The following ABCA8 variants were observed in gnomAD, a reference collection of about 807,000 sequenced individuals.
The protein encoded by ABCA8 is ABC-type organic anion transporter ABCA8.
A neutral mutation model predicts 192.3 loss-of-function variants in ABCA8; 177 were observed. That is an observed-to-expected ratio of 0.92 (90% CI 0.81 to 1.04). The LOEUF is 1.04. Ranked by LOEUF, ABCA8 falls within the 50% of genes least tolerant of loss-of-function variation. The pLI is 0.00. For missense variants in ABCA8, 1,915 were observed against 1,904.8 expected, an observed-to-expected ratio of 1.01 and a Z score of -0.10; for synonymous variants, 642 against 690.2, an observed-to-expected ratio of 0.93 and a Z score of 1.09.
At chr17:68,954,235 C>T (rs982598317) in intron 1 of ABCA8, among the ~76,000 whole-genome samples, 1 of 143,004 alleles carries the variant, frequency 7.0e-6, no homozygotes, top group African/African-American at 2.6e-5. Flanking sequence ...CCCTACACTC[C>T]ACCTCATGCA....
chr17:68,889,210 G>A (rs2066567961), intron 24 of ABCA8, among the ~76,000 whole-genome samples: 1 of 152,160 alleles, frequency 6.6e-6, no homozygotes, highest in African/African-American at 2.4e-5. Flanking sequence ...AGATGAAGAT[G>A]ACATAGTAGA....
rs143577306 is a variant in ABCA8, at chr17:68,867,969, C to T, written c.*116G>A. ...ACCCGAACCTCCTCCTCCCACCACA[C>T]GGAGAACCATTTCTGTACTTATAAT... On this transcript the variant is annotated 3_prime_UTR_variant, in exon 40 of 40. Transcript: ENST00000586539. The T allele has an allele frequency of 5.8e-5, 49 of 839,280 alleles. No individual in the cohort carries two copies. The highest frequency in any genetic ancestry group is 6.9e-5 in the African/African-American group (4 of 57,858). 52.0% of individuals were successfully genotyped at this position (839,280 alleles called of 1,614,324 possible). A position where few individuals can be genotyped will look rare whatever the true frequency, so the allele number is the denominator to read the frequency against.
chr17:68,895,039 T>C (rs1280617669), intron 21 of ABCA8, 26 bp from the exon 22 acceptor site: 3 of 1,550,788 alleles, frequency 1.9e-6, no homozygotes, highest in Non-Finnish European at 2.6e-6. Flanking sequence ...AGATATTAGG[T>C]ATCACAAAAC....
chr17:68,941,492 A>G (rs1438267667), intron 3 of ABCA8, among the ~76,000 whole-genome samples: 1 of 152,152 alleles, frequency 6.6e-6, no homozygotes, highest in Non-Finnish European at 1.5e-5. Context: ...TTCTTCTTGG[A>G]ATTTAATACA....
At chr17:68,892,198 A>G (rs2066635893) in intron 23 of ABCA8, among the ~76,000 whole-genome samples, 1 of 152,208 alleles carries the variant, frequency 6.6e-6, no homozygotes, top group Non-Finnish European at 1.5e-5. Context: ...TGTTATTTTC[A>G]TGATTCTCAT....
In ABCA8 at chr17:68,876,446, GT is replaced by G. The variant is rs1567818918; in HGVS notation, c.4370+13del. On this transcript the variant is annotated intron_variant, in intron 35 of 39. Transcript: ENST00000586539. ...GTCATCCGTGCTGTCCCTGACCGTG[GT>G]AATGTTCCTCACCACATTTGCTGCT... 6.2e-7 allele frequency: 1 copy of G among 1,613,886 alleles called. No individual in the cohort carries two copies. Among genetic ancestry groups the G allele is most frequent in the South Asian group, 1.1e-5 (1 of 91,066 alleles).
chr17:68,868,156 C>A lies in ABCA8; in HGVS notation c.4795G>T (p.Glu1599Ter), dbSNP rs2065961518. 1 of 1,613,148 alleles carries A rather than the reference C, an allele frequency of 6.2e-7. No homozygotes were observed. Among genetic ancestry groups the A allele is most frequent in the East Asian group, 2.2e-5 (1 of 44,834 alleles). ...QVFLELSKEQ[E>*]LGDFEEDFDP... ...AAATCCTCCTCAAAATCACCCAGCT[C>A]CTGCTCCTTGGAGAGCTCCAGGAAA... Residue 1599 changes from glutamate to a stop codon, truncating the protein, a stop_gained, in exon 40 of 40, where the codon GAG becomes TAG. Coordinates refer to ENST00000586539, the MANE Select transcript of ABCA8 (RefSeq NM_001288985.2). LOFTEE classifies it high-confidence loss of function.
chr17:68,903,009 G>A, intron 20 of ABCA8, 130 bp from the exon 21 acceptor site: 1 of 874,660 alleles, frequency 1.1e-6, no homozygotes, highest in East Asian at 2.6e-5. Flanking sequence ...CATTTCTTGA[G>A]TATTTTGTCC....
intron 2 of ABCA8, chr17:68,944,994 T>G (rs2068358077): frequency 6.6e-6 from 1 of 152,186 alleles, no homozygotes; most frequent in African/African-American, 2.4e-5. Flanking sequence ...ATACTGAGGC[T>G]GGAGCAGGAA....
At chr17:68,873,879 C>T (rs2066133475) in intron 37 of ABCA8, among the ~76,000 whole-genome samples, 3 of 152,116 alleles carry the variant, frequency 2.0e-5, no homozygotes, top group Non-Finnish European at 2.9e-5. Flanking sequence ...ATTTATTTCT[C>T]GGCTGTCTAT....
At chr17:68,882,187 C>A (rs1222552990) in intron 30 of ABCA8, among the ~76,000 whole-genome samples, 1 of 152,134 alleles carries the variant, frequency 6.6e-6, no homozygotes, top group East Asian at 1.9e-4. Context: ...CCTACAAAGG[C>A]AGTTTTTTCA....
chr17:68,901,842 G>A (rs1384427071), intron 21 of ABCA8, among the ~76,000 whole-genome samples: 1 of 150,734 alleles, frequency 6.6e-6, no homozygotes, highest in Non-Finnish European at 1.5e-5. Context: ...AAAAATTTCT[G>A]GTGTGAATAT....
At chr17:68,913,216 C>A (rs2067267303) in intron 17 of ABCA8, among the ~76,000 whole-genome samples, 1 of 151,882 alleles carries the variant, frequency 6.6e-6, no homozygotes, top group Non-Finnish European at 1.5e-5. Context: ...AATGGAAACA[C>A]AACATGCCAA....
chr17:68,907,857 CA>C lies in ABCA8; in HGVS notation c.2160del (p.Cys720TrpfsTer6), dbSNP rs766496201. The stretch of plus-strand genomic sequence containing the variant: ...ACAAGTGATGTTATGTTTTCCTCAA[CA>C]CATATTTCATTTAACTGCAAGCTGG... The part of the protein sequence containing the change: ...YHLSLQLNEI[C>X]VEENITSLVK... On this transcript the variant is annotated frameshift_variant, in exon 18 of 40. Transcript: ENST00000586539. LOFTEE classifies it high-confidence loss of function. 1 of 1,572,476 alleles carries C rather than the reference CA, an allele frequency of 6.4e-7. No individual in the cohort carries two copies. Among genetic ancestry groups the C allele is most frequent in the Admixed American group, 1.9e-5 (1 of 51,676 alleles).
chr17:68,875,116 T>C, intron 37 of ABCA8, 144 bp downstream of exon 37: 1 of 1,171,926 alleles, frequency 8.5e-7, no homozygotes, highest in Non-Finnish European at 1.2e-6. Context: ...TTACGTCTGC[T>C]TTCTCTTCTC....
chr17:68,868,333 C>A lies in ABCA8; in HGVS notation c.4735G>T (p.Glu1579Ter), dbSNP rs1242487834. ...EKVKQSFDLE[E>*]YSLSQSTLEQ... is the part of the protein sequence containing the mutation. The stretch of plus-strand genomic sequence containing the variant: ...AGGGTAGACTGTGAGAGGCTGTACT[C>A]CTCTAGGTCAAAGCTCTGTTTAACT... The change falls in exon 39 of 40, where the codon GAG (glutamate) becomes TAG (stop). Residue 1579 changes from glutamate to a stop codon, truncating the protein, a stop_gained. Coordinates refer to ENST00000586539, the MANE Select transcript of ABCA8 (RefSeq NM_001288985.2). LOFTEE classifies it high-confidence loss of function. The A allele has an allele frequency of 6.2e-7, 1 of 1,613,584 alleles. No individual in the cohort carries two copies. The highest frequency in any genetic ancestry group is 1.3e-5 in the African/African-American group (1 of 74,882).
intron 4 of ABCA8, among the ~76,000 whole-genome samples, chr17:68,939,662 G>A (rs1162719383): frequency 6.6e-6 from 1 of 152,074 alleles, no homozygotes; most frequent in Non-Finnish European, 1.5e-5. Flanking sequence ...TATCGGAGGG[G>A]CAGAGATTTA....
rs2067444966 is a variant in ABCA8 at position 68,918,507 on chromosome 17, G to C, written c.1828C>G (p.Gln610Glu). The change falls in exon 15 of 40, where the codon CAG (glutamine) becomes GAG (glutamate). Residue 610 changes from glutamine (Q) to glutamate (E), a missense_variant. Coordinates refer to ENST00000586539, the MANE Select transcript of ABCA8 (RefSeq NM_001288985.2). ...VLLELEMKNIQDVLAQNLSGG... is the reference protein window; with the variant it reads ...VLLELEMKNIEDVLAQNLSGG... ...CTTAAGTTTTGAGCAAGAACATCCT[G>C]AATATTTTTCATTTCCAATTCCAGC... 1 of 1,524,874 alleles carries C rather than the reference G, an allele frequency of 6.6e-7. No individual in the cohort carries two copies. The allele number at this position is 1,524,874 out of a possible 1,614,324, so 94.5% of individuals were successfully genotyped here. A position where few individuals can be genotyped will look rare whatever the true frequency, so the allele number is the denominator to read the frequency against.
intron 28 of ABCA8, 66 bp downstream of exon 28, chr17:68,884,265 G>T (rs890051439): frequency 9.3e-6 from 13 of 1,400,316 alleles, no homozygotes; most frequent in Non-Finnish European, 1.1e-5. Flanking sequence ...TTCACAGTGT[G>T]TACAGAACTG....
Sources: allele counts gnomAD v4.1 joint callset (sites outside exome capture counted in the v4.1 genomes callset), GRCh38; gene constraint gnomAD v4.1.1; transcripts MANE v1.5; gene names NCBI Gene and HGNC (gene_info 2026-07-23, HGNC 2026-07-21).